Variants in FANCA observed in about 807,000 individuals in gnomAD.
The protein encoded by FANCA is FA complementation group A.
Under a neutral mutation model 194.3 loss-of-function variants are expected in FANCA, and 236 were observed. The observed-to-expected ratio is 1.21, with a 90% confidence interval of 1.09 to 1.35. The LOEUF (loss-of-function observed/expected upper bound fraction) is 1.35. FANCA is among the 40% of genes most tolerant of loss of function. The probability of loss-of-function intolerance (pLI) is 0.00; values close to 1 mark genes in which losing one functional copy is unlikely to be tolerated. For missense variants in FANCA, 2,628 were observed against 1,813.9 expected, an observed-to-expected ratio of 1.45 and a Z score of -8.15; for synonymous variants, 1,014 against 715.8, an observed-to-expected ratio of 1.42 and a Z score of -6.65.
In FANCA at chr16:89,811,058, C is replaced by T. The variant is rs770370812; in HGVS notation, c.297G>A (p.Gln99=). 2.5e-6 allele frequency: 4 copies of T among 1,614,050 alleles called. No homozygotes were observed. Among genetic ancestry groups the T allele is most frequent in the Non-Finnish European group, 3.4e-6 (4 of 1,180,036 alleles). Residue 99 remains glutamine, a synonymous_variant, in exon 4 of 43, where the codon CAG becomes CAA. Coordinates refer to ENST00000389301, the MANE Select transcript of FANCA (RefSeq NM_000135.4). ...GAACCCCCAGCCTTGAGGCTTGATC[C>T]TGCAAAGCAGAGCCTTAAACACAAA... ...HSSSFIGSAL[Q]DQASRLGVPV... is the part of the protein sequence containing the mutation.
intron 11 of FANCA, among the ~76,000 whole-genome samples, chr16:89,793,184 C>T (rs2040135275): frequency 6.6e-6 from 1 of 152,046 alleles, no homozygotes. Context: ...GTCCCTTTCC[C>T]GGTCTAAGTA....
rs1598120768 is a variant in FANCA, at chr16:89,775,741, C to A, written c.1900+1G>T. On this transcript the variant is annotated splice_donor_variant, in intron 21 of 42. Transcript: ENST00000389301. LOFTEE classifies it high-confidence loss of function. ...AGTGGACAAGCGGCCCAGGAACTTA[C>A]CTTCTGGCTTCTCTTCAGCAGCAGA... is the stretch of plus-strand genomic sequence containing the variant. The A allele has an allele frequency of 6.2e-7, 1 of 1,610,806 alleles. No homozygotes were observed. Among genetic ancestry groups the A allele is most frequent in the South Asian group, 1.1e-5 (1 of 90,286 alleles).
chr16:89,789,308 G>GGC (rs938299070), intron 14 of FANCA, among the ~76,000 whole-genome samples: 5 of 103,866 alleles, frequency 4.8e-5, no homozygotes, highest in African/African-American at 1.4e-4. Flanking sequence ...AGAAGGCCTG[G>GGC]GGGGGGAGCA....
rs1294767559 is a variant in FANCA at position 89,792,565 on chromosome 16, G to C, written c.1007-18C>G. On this transcript the variant is annotated intron_variant, in intron 11 of 42. Transcript: ENST00000389301. ...ATCAGATGCTGCAGGGGGAGAAACAGACAAAAACTTCAAGTCAGAGATCAA... is the reference window on the plus strand; with the variant it reads ...ATCAGATGCTGCAGGGGGAGAAACACACAAAAACTTCAAGTCAGAGATCAA... The C allele has an allele frequency of 1.2e-6, 2 of 1,611,016 alleles. No homozygotes were observed. The highest frequency in any genetic ancestry group is 2.2e-5 in the East Asian group (1 of 44,706).
chr16:89,739,333 A>C, intron 40 of FANCA, 44 bp from the exon 41 acceptor site: 1 of 1,612,042 alleles, frequency 6.2e-7, no homozygotes, highest in South Asian at 1.1e-5. Context: ...GACTGCTGGA[A>C]AGGTAGCAGG....
At chr16:89,739,954 G>C in intron 39 of FANCA, 40 bp downstream of exon 39, 1 of 1,611,814 alleles carries the variant, frequency 6.2e-7, no homozygotes, top group Non-Finnish European at 8.5e-7. Context: ...TCTGAAAAGA[G>C]CGGCCCTCCG....
Position 89,815,694 on chromosome 16 carries a change from G to C in FANCA, c.189+183C>G, listed in dbSNP as rs17232098. On this transcript the variant is annotated intron_variant, in intron 2 of 42. Transcript: ENST00000389301. Reference sequence around the variant, plus strand: ...TTGTTGTTTTGTTTTTAATAAAAGAGGCGGGGTCTCACCCCGTTGCCCAGG... The same window carrying C: ...TTGTTGTTTTGTTTTTAATAAAAGACGCGGGGTCTCACCCCGTTGCCCAGG... Among the ~76,000 whole-genome samples, 2,864 of 152,178 alleles carry C rather than the reference G, an allele frequency of 0.019. 45 individuals are homozygous for C. The highest frequency in any genetic ancestry group is 0.021 in the Non-Finnish European group (1,410 of 68,014).
At chr16:89,773,773 C>CTTTT (rs552737101) in intron 21 of FANCA, among the ~76,000 whole-genome samples, 1 of 135,514 alleles carries the variant, frequency 7.4e-6, no homozygotes, top group Non-Finnish European at 1.6e-5. Flanking sequence ...GTTCCTCAAA[C>CTTTT]TTTTTTTTTT....
chr16:89,776,852 AAAAT>A (rs2143403670), intron 20 of FANCA, among the ~76,000 whole-genome samples: 1 of 152,266 alleles, frequency 6.6e-6, no homozygotes, highest in African/African-American at 2.4e-5. Flanking sequence ...TAAAGAAAAA[AAAAT>A]AAAACGCATT....
At chr16:89,803,733 T>TGCCTCA (rs2040538721) in intron 7 of FANCA, among the ~76,000 whole-genome samples, 3 of 151,932 alleles carry the variant, frequency 2.0e-5, no homozygotes, top group Admixed American at 2.0e-4. Context: ...AGCAATTCTC[T>TGCCTCA]GCCTCAGCCT....
chr16:89,803,219 G>T, intron 8 of FANCA, 40 bp downstream of exon 8: 3 of 1,569,520 alleles, frequency 1.9e-6, no homozygotes, highest in Non-Finnish European at 2.6e-6. Context: ...AATAAGGACG[G>T]CTCCTTCCGC....
intron 7 of FANCA, among the ~76,000 whole-genome samples, chr16:89,804,560 C>T (rs1221289475): frequency 1.3e-5 from 2 of 152,040 alleles, no homozygotes; most frequent in African/African-American, 4.8e-5. Flanking sequence ...GACTCTGGTC[C>T]GAGCCATCCT....
intron 6 of FANCA, among the ~76,000 whole-genome samples, chr16:89,806,423 A>G (rs1039214564): frequency 6.7e-6 from 1 of 149,036 alleles, no homozygotes; most frequent in African/African-American, 2.5e-5. Context: ...GTCATAGGAC[A>G]ATGGTGGAGG....
chr16:89,757,197 G>C (rs2038795947), intron 30 of FANCA, among the ~76,000 whole-genome samples: 1 of 152,080 alleles, frequency 6.6e-6, no homozygotes, highest in Admixed American at 6.6e-5. Flanking sequence ...CCTGAGCTCA[G>C]ATGATCCGCC....
intron 6 of FANCA, among the ~76,000 whole-genome samples, chr16:89,807,669 A>C (rs1475121999): frequency 2.7e-5 from 4 of 150,302 alleles, no homozygotes; most frequent in Non-Finnish European, 5.9e-5. Context: ...CAGATCCTGA[A>C]GTCAGGAGAT....
At chr16:89,751,741 GATT>G (rs2038599535) in intron 31 of FANCA, among the ~76,000 whole-genome samples, 1 of 152,038 alleles carries the variant, frequency 6.6e-6, no homozygotes, top group Admixed American at 6.5e-5. Flanking sequence ...AAAGTACTGG[GATT>G]ACAAGCCTGA....
At chr16:89,774,729 CAAAAAAAAAAAA>C (rs780078944) in intron 21 of FANCA, among the ~76,000 whole-genome samples, 1 of 22,200 alleles carries the variant, frequency 4.5e-5, no homozygotes, top group East Asian at 1.0e-3. Flanking sequence ...GACTCTGTCT[CAAAAAAAAAAAA>C]AAAAAAAAAA....
intron 24 of FANCA, 140 bp downstream of exon 24, chr16:89,770,424 T>C: frequency 9.8e-7 from 1 of 1,020,076 alleles, no homozygotes. Context: ...CAACTTCTGC[T>C]GCGTCCTATT....
At chr16:89,779,139 G>T in intron 18 of FANCA, 136 bp from the exon 19 acceptor site, 1 of 830,752 alleles carries the variant, frequency 1.2e-6, no homozygotes, top group Non-Finnish European at 2.0e-6. Context: ...GTCTTCTTGT[G>T]CACAGTTCCG....
Sources: gnomAD v4.1 joint callset for allele counts (sites outside exome capture counted in the v4.1 genomes callset) on GRCh38, gnomAD v4.1.1 for gene constraint, MANE v1.5 for transcripts, NCBI Gene and HGNC (gene_info 2026-07-23, HGNC 2026-07-21) for gene names.